The following DEPTOR variants were observed in gnomAD, a reference collection of about 807,000 sequenced individuals.
DEPTOR encodes DEP domain containing MTOR interacting protein.
In DEPTOR, 41 loss-of-function variants were observed where a neutral mutation model predicts 41.6. The observed-to-expected ratio is 0.98, with a 90% confidence interval of 0.77 to 1.28. DEPTOR has a LOEUF of 1.28. Ranked by LOEUF, DEPTOR falls within the 50% of genes most tolerant of loss-of-function variation. DEPTOR has a pLI of 0.00. For missense variants in DEPTOR, 514 were observed against 527.9 expected (o/e 0.97, Z 0.26); for synonymous variants, 195 against 192.3 (o/e 1.01, Z -0.12).
intron 1 of DEPTOR, among the ~76,000 whole-genome samples, chr8:119,918,578 A>G (rs954749237): frequency 2.0e-5 from 3 of 152,086 alleles, no homozygotes; most frequent in Non-Finnish European, 2.9e-5. Flanking sequence ...CTCCTGCCTC[A>G]GCCTCCCGAG....
chr8:119,921,072 G>C (rs1399628781), intron 1 of DEPTOR, among the ~76,000 whole-genome samples: 1 of 151,888 alleles, frequency 6.6e-6, no homozygotes, highest in African/African-American at 2.4e-5. Context: ...CATCTCCCAG[G>C]CTCAAGGGAT....
At chr8:119,886,102 G>T (rs1232305155) in intron 1 of DEPTOR, among the ~76,000 whole-genome samples, 2 of 152,138 alleles carry the variant, frequency 1.3e-5, no homozygotes, top group African/African-American at 2.4e-5. Flanking sequence ...GAAACAATCA[G>T]CTTAAACTGT....
intron 1 of DEPTOR, among the ~76,000 whole-genome samples, chr8:119,880,568 C>T: frequency 6.6e-6 from 1 of 152,202 alleles, no homozygotes; most frequent in Non-Finnish European, 1.5e-5. Flanking sequence ...GAGAATATCA[C>T]ATTGCAGTGT....
intron 4 of DEPTOR, among the ~76,000 whole-genome samples, chr8:119,971,903 T>C (rs1828638423): frequency 6.6e-6 from 1 of 152,146 alleles, no homozygotes; most frequent in African/African-American, 2.4e-5. Context: ...GCAAGTATTC[T>C]CCATAAATCA....
chr8:120,005,983 G>A (rs1812431674), intron 6 of DEPTOR, among the ~76,000 whole-genome samples: 1 of 152,086 alleles, frequency 6.6e-6, no homozygotes, highest in Admixed American at 6.6e-5. Context: ...TAATGCCTGA[G>A]TTTGATTCTA....
chr8:120,006,843 C>G lies in DEPTOR; in HGVS notation c.964C>G (p.Pro322Ala), dbSNP rs141805893. The G allele has an allele frequency of 1.2e-6, 2 of 1,614,172 alleles. No homozygotes were observed. Among genetic ancestry groups the G allele is most frequent in the East Asian group, 4.5e-5 (2 of 44,876 alleles). ...TGTCACCTCTGAGGAACTCCTTACT[C>G]CCGGGGCTCCGTATGCAAGGAAGAC... ...RPVTSEELLT[P>A]GAPYARKTFT... The change falls in exon 7 of 9, where the codon CCC becomes GCC. Residue 322 changes from proline (P) to alanine (A), a missense_variant. Pro to Ala is a conservative substitution (Grantham distance 27, BLOSUM62 -1). Coordinates refer to ENST00000286234, the MANE Select transcript of DEPTOR (RefSeq NM_022783.4).
chr8:120,038,966 G>C (rs906244277), intron 8 of DEPTOR, among the ~76,000 whole-genome samples: 2 of 152,210 alleles, frequency 1.3e-5, no homozygotes, highest in African/African-American at 4.8e-5. Context: ...TTATAGCACT[G>C]CCCATGCTGA....
intron 4 of DEPTOR, among the ~76,000 whole-genome samples, chr8:119,975,644 C>G (rs186900735): frequency 6.6e-6 from 1 of 151,952 alleles, no homozygotes; most frequent in South Asian, 2.1e-4. Flanking sequence ...ACTGACTTAT[C>G]AGGGTTATTT....
At chr8:120,039,006 G>A (rs1306314080) in intron 8 of DEPTOR, among the ~76,000 whole-genome samples, 2 of 152,210 alleles carry the variant, frequency 1.3e-5, no homozygotes, top group Admixed American at 1.3e-4. Flanking sequence ...GAAGTAGTCT[G>A]GGGATATGAA....
rs1434716019 is a variant in DEPTOR, at chr8:119,887,319, C to T, written c.122+13351C>T. On this transcript the variant is annotated intron_variant, in intron 1 of 8. Transcript: ENST00000286234. ...CTACTAAGTAGCTGGGGATTACAGG[C>T]ATGCAACACCATAGGCTCTTTATCA... Among the ~76,000 whole-genome samples the T allele has an allele frequency of 6.1e-5, 8 of 131,562 alleles. No homozygotes were observed. In the East Asian group the frequency reaches 1.7e-3, roughly 28 times the overall value. The allele number at this position is 131,562 out of a possible 152,430, so 86.3% of individuals were successfully genotyped here.
At chr8:119,878,567 T>C (rs1586594216) in intron 1 of DEPTOR, among the ~76,000 whole-genome samples, 1 of 151,674 alleles carries the variant, frequency 6.6e-6, no homozygotes, top group Admixed American at 6.6e-5. Context: ...GACCTCGTGA[T>C]CCGCCCGCCT....
chr8:119,979,202 A>G (rs1828732734), intron 4 of DEPTOR, among the ~76,000 whole-genome samples: 1 of 152,206 alleles, frequency 6.6e-6, no homozygotes, highest in Non-Finnish European at 1.5e-5. Flanking sequence ...TGATTTAGAG[A>G]GTAATGTTTT....
intron 1 of DEPTOR, among the ~76,000 whole-genome samples, chr8:119,879,134 C>T (rs1248649550): frequency 1.3e-5 from 2 of 151,500 alleles, no homozygotes; most frequent in African/African-American, 4.8e-5. Context: ...CATTTGGATA[C>T]TACTTCACAG....
chr8:119,884,831 G>A (rs893534530), intron 1 of DEPTOR, among the ~76,000 whole-genome samples: 1 of 147,410 alleles, frequency 6.8e-6, no homozygotes, highest in Middle Eastern at 3.2e-3. Context: ...TGCAACCTCC[G>A]CTTCCAGGGT....
chr8:119,934,602 C>G (rs1214303369), intron 3 of DEPTOR, among the ~76,000 whole-genome samples: 1 of 152,176 alleles, frequency 6.6e-6, no homozygotes, highest in Non-Finnish European at 1.5e-5. Context: ...GAGGACTGAC[C>G]GAGATCCATC....
intron 8 of DEPTOR, among the ~76,000 whole-genome samples, chr8:120,023,395 C>A (rs1490269975): frequency 1.3e-5 from 2 of 152,070 alleles, no homozygotes; most frequent in East Asian, 3.9e-4. Flanking sequence ...CACGCACTAC[C>A]ATGCCCAGCT....
intron 8 of DEPTOR, among the ~76,000 whole-genome samples, chr8:120,037,179 G>A (rs1270094668): frequency 4.6e-5 from 7 of 152,162 alleles, no homozygotes; most frequent in African/African-American, 1.4e-4. Flanking sequence ...GGATGGAAGA[G>A]GAAAACCAAT....
In DEPTOR at chr8:119,958,367, G is replaced by A. The variant is rs781722509; in HGVS notation, c.426-6865G>A. 3.2e-4 allele frequency among the ~76,000 whole-genome samples: 49 copies of A among 152,260 alleles called. 1 individual carries two copies. The highest frequency in any genetic ancestry group is 6.2e-4 in the South Asian group (3 of 4,824). On this transcript the variant is annotated intron_variant, in intron 3 of 8. Coordinates refer to ENST00000286234, the MANE Select transcript of DEPTOR (RefSeq NM_022783.4). ...TGGTGATTTCAGGAGGGCATTCCAA[G>A]GGGCAAAGGTGGAAGTTGTAAGGCC... is the stretch of plus-strand genomic sequence containing the variant.
At chr8:120,013,082 G>A (rs546724190) in intron 8 of DEPTOR, among the ~76,000 whole-genome samples, 14 of 151,746 alleles carry the variant, frequency 9.2e-5, no homozygotes, top group African/African-American at 2.9e-4. Context: ...ACATGAACCC[G>A]GGAGGCAGAG....
Sources: allele counts gnomAD v4.1 joint callset (sites outside exome capture counted in the v4.1 genomes callset), GRCh38; gene constraint gnomAD v4.1.1; transcripts MANE v1.5; gene names NCBI Gene and HGNC (gene_info 2026-07-23, HGNC 2026-07-21).